Variants in ADAMTSL1 observed in about 807,000 individuals in gnomAD.
The protein encoded by ADAMTSL1 is ADAMTS like 1.
A neutral mutation model predicts 201.8 loss-of-function variants in ADAMTSL1; 126 were observed. That is an observed-to-expected ratio of 0.62 (90% CI 0.54 to 0.72). The LOEUF is 0.72. Ranked by LOEUF, ADAMTSL1 falls within the 30% of genes least tolerant of loss-of-function variation. The pLI is 0.00. For synonymous variants in ADAMTSL1, 1,121 were observed against 903.4 expected, an observed-to-expected ratio of 1.24 and a Z score of -4.32; for missense variants, 2,679 against 2,277.8, an observed-to-expected ratio of 1.18 and a Z score of -3.59.
chr9:18,189,142 G>A (rs1488997734), intron 2 of ADAMTSL1, among the ~76,000 whole-genome samples: 6 of 152,080 alleles, frequency 3.9e-5, no homozygotes, highest in Non-Finnish European at 5.9e-5. Flanking sequence ...TTAAGAGGAA[G>A]GAATTAGTTC....
chr9:17,924,020 G>A (rs1474366920), intron 1 of ADAMTSL1, among the ~76,000 whole-genome samples: 117 of 135,040 alleles, frequency 8.7e-4, no homozygotes, highest in Non-Finnish European at 1.1e-3. Flanking sequence ...TGCTGGATTC[G>A]GTTTGCCAGT....
intron 2 of ADAMTSL1, among the ~76,000 whole-genome samples, chr9:18,361,031 G>C (rs1446890366): frequency 6.6e-6 from 1 of 152,158 alleles, no homozygotes; most frequent in African/African-American, 2.4e-5. Context: ...AATGAAGCTT[G>C]TTAAATGTGT....
chr9:18,795,341 G>C, intron 19 of ADAMTSL1, 56 bp from the exon 20 acceptor site: 1 of 1,604,728 alleles, frequency 6.2e-7, no homozygotes, highest in African/African-American at 1.3e-5. Flanking sequence ...AATATTGAAT[G>C]CCAAAAAGGA....
At chr9:18,541,951 G>A (rs980357490) in intron 3 of ADAMTSL1, among the ~76,000 whole-genome samples, 1 of 152,206 alleles carries the variant, frequency 6.6e-6, no homozygotes, top group Non-Finnish European at 1.5e-5. Flanking sequence ...AAATTGTGGA[G>A]TAATAACCTA....
At chr9:18,049,715 C>T (rs1821841935) in intron 1 of ADAMTSL1, among the ~76,000 whole-genome samples, 1 of 152,096 alleles carries the variant, frequency 6.6e-6, no homozygotes, top group Non-Finnish European at 1.5e-5. Context: ...GCCCCGCCTC[C>T]CGGGTTCACG....
chr9:18,461,574 T>A (rs1382515304), intron 2 of ADAMTSL1, among the ~76,000 whole-genome samples: 1 of 152,198 alleles, frequency 6.6e-6, no homozygotes, highest in Non-Finnish European at 1.5e-5. Context: ...TTTTATTTAA[T>A]CTACCTAACC....
At chr9:18,706,694 G>A in intron 13 of ADAMTSL1, 53 bp from the exon 14 acceptor site, 1 of 1,503,156 alleles carries the variant, frequency 6.7e-7, no homozygotes, top group Non-Finnish European at 8.9e-7. Context: ...AGCCCCCATG[G>A]CTTCCTGCCT....
chr9:18,542,393 A>G (rs1820206435), intron 3 of ADAMTSL1, among the ~76,000 whole-genome samples: 1 of 152,162 alleles, frequency 6.6e-6, no homozygotes, highest in Non-Finnish European at 1.5e-5. Context: ...GTTTTGAATT[A>G]TGTCCTCATT....
At chr9:18,002,358 C>T (rs1406144182) in intron 1 of ADAMTSL1, among the ~76,000 whole-genome samples, 1 of 151,924 alleles carries the variant, frequency 6.6e-6, no homozygotes, top group East Asian at 1.9e-4. Flanking sequence ...TGCTAGGTGA[C>T]CTTATACTCT....
chr9:18,387,270 C>A (rs889633147), intron 2 of ADAMTSL1, among the ~76,000 whole-genome samples: 10 of 151,976 alleles, frequency 6.6e-5, no homozygotes, highest in African/African-American at 2.4e-4. Flanking sequence ...TAGTCATACA[C>A]AATAGTCAAC....
At chr9:18,560,377 A>C (rs1419331844) in intron 3 of ADAMTSL1, among the ~76,000 whole-genome samples, 4 of 152,164 alleles carry the variant, frequency 2.6e-5, no homozygotes, top group African/African-American at 9.7e-5. Flanking sequence ...CGTGGTGGAT[A>C]AGCTTTTTGA....
intron 23 of ADAMTSL1, among the ~76,000 whole-genome samples, chr9:18,836,795 C>T (rs1290295527): frequency 6.6e-6 from 1 of 152,100 alleles, no homozygotes; most frequent in Admixed American, 6.5e-5. Context: ...TTTCATAGTT[C>T]TCCTTGTGGA....
intron 1 of ADAMTSL1, among the ~76,000 whole-genome samples, chr9:18,107,203 G>A (rs1165785431): frequency 6.6e-6 from 1 of 152,182 alleles, no homozygotes; most frequent in Non-Finnish European, 1.5e-5. Flanking sequence ...GTGATTTGGA[G>A]ATAGAAGTGG....
At chr9:18,719,607 G>A (rs551702256) in intron 14 of ADAMTSL1, among the ~76,000 whole-genome samples, 7 of 152,256 alleles carry the variant, frequency 4.6e-5, no homozygotes, top group African/African-American at 1.2e-4. Context: ...CAGGTCATCC[G>A]TCCACCCTGG....
intron 15 of ADAMTSL1, among the ~76,000 whole-genome samples, chr9:18,726,911 G>T (rs1014136458): frequency 6.6e-6 from 1 of 152,270 alleles, no homozygotes; most frequent in Middle Eastern, 3.4e-3. Context: ...CCCAGCCCCA[G>T]TCTCTTTTCT....
At position 18,671,937 on chromosome 9, in the gene ADAMTSL1, C is replaced by T. The variant is rs191133703; in HGVS notation, c.1086-3920C>T. Among the ~76,000 whole-genome samples the T allele has an allele frequency of 3.6e-3, 546 of 151,760 alleles. 1 individual carries two copies. The highest frequency in any genetic ancestry group is 9.4e-3 in the Admixed American group (143 of 15,244). Reference sequence around the variant, plus strand: ...CTGTAGTCCCAGCTACTCAGGAGGCCGAGGCAGGAGAATGGCGTGAACCTG... The same window carrying T: ...CTGTAGTCCCAGCTACTCAGGAGGCTGAGGCAGGAGAATGGCGTGAACCTG... On this transcript the variant is annotated intron_variant, in intron 9 of 28. Coordinates refer to ENST00000380548, the MANE Select transcript of ADAMTSL1 (RefSeq NM_001040272.6).
intron 2 of ADAMTSL1, among the ~76,000 whole-genome samples, chr9:18,288,159 A>G (rs749131715): frequency 4.6e-5 from 7 of 152,094 alleles, no homozygotes; most frequent in Non-Finnish European, 5.9e-5. Flanking sequence ...ACCTTATATC[A>G]CATTCAGTCG....
chr9:18,512,311 A>G (rs553089289), intron 2 of ADAMTSL1, among the ~76,000 whole-genome samples: 19 of 152,266 alleles, frequency 1.2e-4, no homozygotes, highest in Non-Finnish European at 2.1e-4. Flanking sequence ...TTTAGGACCA[A>G]TTTATGGCCT....
At chr9:18,363,152 G>A (rs1372596817) in intron 2 of ADAMTSL1, among the ~76,000 whole-genome samples, 3 of 152,196 alleles carry the variant, frequency 2.0e-5, no homozygotes, top group Non-Finnish European at 4.4e-5. Flanking sequence ...AGTTGGTGGA[G>A]TGGCAGCTCT....
Sources: allele counts gnomAD v4.1 joint callset (sites outside exome capture counted in the v4.1 genomes callset), GRCh38; gene constraint gnomAD v4.1.1; transcripts MANE v1.5; gene names NCBI Gene and HGNC (gene_info 2026-07-23, HGNC 2026-07-21).